The following WNK1 variants were observed in gnomAD, a reference collection of about 807,000 sequenced individuals.
WNK1 encodes serine/threonine-protein kinase WNK1.
WNK1 carries 38 observed loss-of-function variants against 222.8 expected under a neutral mutation model. The ratio of observed to expected loss-of-function variants is 0.17; its 90% confidence interval spans 0.13 to 0.22. The LOEUF (loss-of-function observed/expected upper bound fraction) is 0.22, where lower values mean the gene tolerates loss of function less well. Ranked by LOEUF, WNK1 falls within the 10% of genes least tolerant of loss-of-function variation. WNK1 has a pLI of 1.00. For missense variants in WNK1, 2,348 were observed against 2,918.4 expected (o/e 0.80, Z 4.50); for synonymous variants, 1,090 against 1,092.9 (o/e 1.00, Z 0.05).
At chr12:907,791 TC>T in intron 26 of WNK1, 55 bp from the exon 27 acceptor site, 1 of 1,604,278 alleles carries the variant, frequency 6.2e-7, no homozygotes, top group Middle Eastern at 2.2e-4. Context: ...TTTTCCCTCT[TC>T]CTGAAATTGT....
At chr12:861,630 A>G (rs1951225819) in intron 7 of WNK1, among the ~76,000 whole-genome samples, 1 of 152,218 alleles carries the variant, frequency 6.6e-6, no homozygotes, top group Non-Finnish European at 1.5e-5. Flanking sequence ...TTATTTAAAT[A>G]AAACAGATTT....
rs146183054 is a variant in WNK1 at position 798,820 on chromosome 12, G to C, written c.760-14822G>C. The stretch of plus-strand genomic sequence containing the variant: ...TATTTCATTTTCCTCCTTGACACTC[G>C]TGGTATTTCTCCCCATCTCCTAGAT... On this transcript the variant is annotated intron_variant, in intron 1 of 27. Transcript: ENST00000315939. Among the ~76,000 whole-genome samples the C allele has an allele frequency of 2.6e-5, 4 of 152,018 alleles. No individual in the cohort carries two copies. The East Asian group carries it at 7.7e-4, about 29-fold the overall frequency.
At chr12:813,621 T>A in intron 1 of WNK1, 21 bp from the exon 2 acceptor site, 1 of 1,611,676 alleles carries the variant, frequency 6.2e-7, no homozygotes, top group Non-Finnish European at 8.5e-7. Flanking sequence ...AACCACATTC[T>A]GTTTTGGTTT....
At chr12:763,464 CTGTAA>C (rs1391110817) in intron 1 of WNK1, among the ~76,000 whole-genome samples, 3 of 146,732 alleles carry the variant, frequency 2.0e-5, no homozygotes, top group Non-Finnish European at 4.6e-5. Context: ...TGGTGCATGC[CTGTAA>C]TCCCAGCTAC....
In WNK1 at chr12:753,281, T is replaced by A; in HGVS notation, c.-285T>A. On this transcript the variant is annotated 5_prime_UTR_variant, in exon 1 of 28. It removes an upstream start codon present in the reference 5' UTR. Transcript: ENST00000315939. The surrounding 1 kb of genome is among the most constrained non-coding windows in gnomAD (Gnocchi z 5.2). Reference sequence around the variant, plus strand: ...CGGCCGCCGCTCGCCGCAGGATGGATGCGGACCGTGCGGCGCTAACCCCCG... The same window carrying A: ...CGGCCGCCGCTCGCCGCAGGATGGAAGCGGACCGTGCGGCGCTAACCCCCG... 1 of 474,144 alleles carries A rather than the reference T, an allele frequency of 2.1e-6. No homozygotes were observed. Among genetic ancestry groups the A allele is most frequent in the South Asian group, 2.5e-5 (1 of 40,350 alleles). 29.4% of individuals were successfully genotyped at this position (474,144 alleles called of 1,614,324 possible).
chr12:881,644 T>C, intron 12 of WNK1, 48 bp from the exon 13 acceptor site: 1 of 1,451,166 alleles, frequency 6.9e-7, no homozygotes, highest in South Asian at 1.1e-5. Flanking sequence ...GGATAGTGAA[T>C]GATAAATCTA....
At chr12:792,473 C>T (rs574158352) in intron 1 of WNK1, among the ~76,000 whole-genome samples, 1 of 151,878 alleles carries the variant, frequency 6.6e-6, no homozygotes, top group Non-Finnish European at 1.5e-5. Flanking sequence ...GCCACCACGC[C>T]CAGCTAATTT....
chr12:777,383 C>G (rs1256949878), intron 1 of WNK1, among the ~76,000 whole-genome samples: 2 of 152,034 alleles, frequency 1.3e-5, no homozygotes, highest in African/African-American at 2.4e-5. Context: ...TGGTCTCATT[C>G]TCCTGAGGTA....
intron 1 of WNK1, among the ~76,000 whole-genome samples, chr12:764,943 A>G (rs1243787925): frequency 6.8e-6 from 1 of 147,114 alleles, no homozygotes. Flanking sequence ...GGTTCAAGCA[A>G]TTCTGCCTCA....
At chr12:882,131 AT>A in intron 14 of WNK1, 58 bp downstream of exon 14, 1 of 1,524,124 alleles carries the variant, frequency 6.6e-7, no homozygotes, top group South Asian at 1.2e-5. Flanking sequence ...ACTGAAAAAG[AT>A]TTTAGAGGTC....
At chr12:763,780 T>G (rs1410783526) in intron 1 of WNK1, among the ~76,000 whole-genome samples, 2 of 147,162 alleles carry the variant, frequency 1.4e-5, no homozygotes, top group Non-Finnish European at 3.0e-5. Flanking sequence ...GATAAAATAT[T>G]TAGGGTTTAG....
chr12:887,331 C>T (rs201139965), intron 20 of WNK1, 27 bp downstream of exon 20: 1 of 1,610,014 alleles, frequency 6.2e-7, no homozygotes, highest in Non-Finnish European at 8.5e-7. Context: ...CAAATTTCTT[C>T]CTGTGCCCTA....
At chr12:869,424 A>G (rs2154072717) in intron 8 of WNK1, among the ~76,000 whole-genome samples, 1 of 152,294 alleles carries the variant, frequency 6.6e-6, no homozygotes, top group East Asian at 1.9e-4. Flanking sequence ...AGTGTATGTA[A>G]TGTATGGTTG....
chr12:878,524 G>C (rs535320402), intron 10 of WNK1, among the ~76,000 whole-genome samples, 163 bp downstream of exon 10: 1 of 152,280 alleles, frequency 6.6e-6, no homozygotes, highest in Admixed American at 6.5e-5. Flanking sequence ...GAAATGAAGT[G>C]AAGATCACCT....
chr12:826,273 A>T (rs1017434237), intron 2 of WNK1, among the ~76,000 whole-genome samples: 1 of 152,234 alleles, frequency 6.6e-6, no homozygotes, highest in African/African-American at 2.4e-5. Flanking sequence ...ATTTTAGTTA[A>T]TCTACATTTG....
At chr12:904,420 C>T in intron 26 of WNK1, 1 of 1,287,652 alleles carries the variant, frequency 7.8e-7, no homozygotes, top group Non-Finnish European at 1.0e-6. Context: ...GTTTCTTTAT[C>T]TTTAACACAT....
Position 827,964 on chromosome 12 carries a change from T to A in WNK1, c.1153+702T>A, listed in dbSNP as rs1233377132. Among the ~76,000 whole-genome samples the A allele has an allele frequency of 1.3e-5, 2 of 152,158 alleles. No individual in the cohort carries two copies. Among genetic ancestry groups the A allele is most frequent in the Non-Finnish European group, 2.9e-5 (2 of 68,020 alleles). ...CTAAAATTAAAAGATAAAAATTAAA[T>A]TTTTAAACATATAAAATGTCTGTTG... On this transcript the variant is annotated intron_variant, in intron 3 of 27. Transcript: ENST00000315939. The surrounding 1 kb of genome is among the most constrained non-coding windows in gnomAD (Gnocchi z 4.6).
chr12:753,691 G>A lies in WNK1; in HGVS notation c.126G>A (p.Ala42=), dbSNP rs935728437. The A allele has an allele frequency of 3.1e-6, 5 of 1,611,992 alleles. No individual in the cohort carries two copies. Among genetic ancestry groups the A allele is most frequent in the Non-Finnish European group, 4.2e-6 (5 of 1,179,798 alleles). The change falls in exon 1 of 28, where the codon GCG becomes GCA. Residue 42 remains alanine, a synonymous_variant. Transcript: ENST00000315939. This position sits in a 1 kb window ranked among gnomAD's most constrained non-coding sequence, Gnocchi z 5.2. ...CCGTGGGGGAGAAACTGGGAGCCGC[G>A]GCCGCCGACGCTGTGACCGGCAGGA... ...DSSVGEKLGA[A]AADAVTGRTE...
At chr12:833,692 C>T (rs574914346) in intron 4 of WNK1, among the ~76,000 whole-genome samples, 2 of 152,254 alleles carry the variant, frequency 1.3e-5, no homozygotes, top group Middle Eastern at 6.8e-3. Context: ...CTTATAAATT[C>T]ATAAATTCAA....
Sources: gnomAD v4.1 joint callset for allele counts (sites outside exome capture counted in the v4.1 genomes callset) on GRCh38, gnomAD v4.1.1 for gene constraint, Gnocchi (gnomAD v3.1) non-coding constraint, MANE v1.5 for transcripts, NCBI Gene and HGNC (gene_info 2026-07-23, HGNC 2026-07-21) for gene names.